The following QPCTL variants were observed in gnomAD, a reference collection of about 807,000 sequenced individuals.
QPCTL encodes the protein glutaminyl-peptide cyclotransferase like.
Under a neutral mutation model 34.6 loss-of-function variants are expected in QPCTL, and 31 were observed. The observed-to-expected ratio is 0.90, with a 90% CI of 0.67 to 1.21. The LOEUF (loss-of-function observed/expected upper bound fraction) is 1.21, where lower values mean the gene tolerates loss of function less well. QPCTL is among the 50% of genes most tolerant of loss of function. The probability of loss-of-function intolerance (pLI) is 0.00; values close to 1 mark genes in which losing one functional copy is unlikely to be tolerated. For missense variants in QPCTL, 474 were observed against 507.8 expected (o/e 0.93, Z 0.64); for synonymous variants, 223 against 226.9 (o/e 0.98, Z 0.15).
intron 2 of QPCTL, among the ~76,000 whole-genome samples, 196 bp downstream of exon 2, chr19:45,693,752 G>T (rs1967632402): frequency 6.6e-6 from 1 of 152,198 alleles, no homozygotes; most frequent in South Asian, 2.1e-4. Context: ...AAAGCTTACT[G>T]TGTGCTAGGC....
chr19:45,695,682 A>G lies in QPCTL; in HGVS notation c.597A>G (p.Gln199=). The G allele has an allele frequency of 6.2e-7, 1 of 1,613,194 alleles. No individual in the cohort carries two copies. Among genetic ancestry groups the G allele is most frequent in the Non-Finnish European group, 8.5e-7 (1 of 1,179,870 alleles). Residue 199 remains glutamine (Q), a synonymous_variant, in exon 3 of 7, where the codon CAA becomes CAG. Coordinates refer to ENST00000012049, the MANE Select transcript of QPCTL (RefSeq NM_017659.4). Reference sequence around the variant, plus strand: ...GTGCCCTGCTGCTGGAGCTGGCCCAAGCACTTGACCTGGAGCTGAGCAGGG... The same window carrying G: ...GTGCCCTGCTGCTGGAGCTGGCCCAGGCACTTGACCTGGAGCTGAGCAGGG... The part of the protein sequence containing the change: ...VPCALLLELA[Q]ALDLELSRAK...
intron 2 of QPCTL, 144 bp from the exon 3 acceptor site, chr19:45,695,293 A>AG: frequency 4.9e-6 from 4 of 808,192 alleles, no homozygotes; most frequent in African/African-American, 3.5e-5. Flanking sequence ...CTCAAAAAAA[A>AG]AAAGAAAGAA....
chr19:45,693,667 G>A, intron 2 of QPCTL, 111 bp downstream of exon 2: 1 of 1,413,722 alleles, frequency 7.1e-7, no homozygotes, highest in Non-Finnish European at 9.4e-7. Context: ...GGCTCTGACT[G>A]GAGTTAATCG....
At chr19:45,701,266 G>C (rs1437972364) in intron 5 of QPCTL, among the ~76,000 whole-genome samples, 1 of 151,620 alleles carries the variant, frequency 6.6e-6, no homozygotes, top group African/African-American at 2.4e-5. Context: ...GTGTGGGTGA[G>C]AGAGCAAGAT....
At chr19:45,698,994 C>A (rs1967760562) in intron 5 of QPCTL, 94 bp downstream of exon 5, 2 of 1,079,582 alleles carry the variant, frequency 1.9e-6, no homozygotes, top group Non-Finnish European at 2.7e-6. Flanking sequence ...ACTCTAAAGG[C>A]TCATCCACCA....
intron 3 of QPCTL, among the ~76,000 whole-genome samples, chr19:45,697,579 C>G (rs1967724345): frequency 1.3e-5 from 2 of 152,192 alleles, no homozygotes; most frequent in Admixed American, 6.6e-5. Context: ...GTACCCCTCT[C>G]AAACCTCTGG....
chr19:45,694,465 TTTTA>T (rs1967649792), intron 2 of QPCTL, among the ~76,000 whole-genome samples: 1 of 134,786 alleles, frequency 7.4e-6, no homozygotes, highest in East Asian at 1.9e-4. Flanking sequence ...TTCTTTTTTA[TTTTA>T]TTTTATTTTA....
intron 3 of QPCTL, 57 bp downstream of exon 3, chr19:45,695,775 C>G: frequency 1.3e-6 from 2 of 1,497,812 alleles, no homozygotes; most frequent in Non-Finnish European, 8.9e-7. Flanking sequence ...CCCAAGCCCC[C>G]ACCCTCCCTT....
At chr19:45,695,848 C>CT (rs34362798) in intron 3 of QPCTL, 130 bp downstream of exon 3, 8,379 of 852,648 alleles carry the variant, frequency 9.8e-3, no homozygotes, top group Non-Finnish European at 0.012. Flanking sequence ...CCACAGGGAT[C>CT]TTTTTTTTTT....
chr19:45,695,536 G>A lies in QPCTL; in HGVS notation c.451G>A (p.Val151Met). ...TPLGPVDFGN[V>M]VATLDPRAAR... ...CCTGGGGCCAGTGGACTTTGGCAAT[G>A]TGGTGGCCACACTGGACCCAAGGGC... is the stretch of plus-strand genomic sequence containing the variant. The change falls in exon 3 of 7, where the codon GTG (valine) becomes ATG (methionine). Residue 151 changes from valine (V) to methionine (M), a missense_variant. Val to Met is a conservative substitution (Grantham distance 21). Coordinates refer to ENST00000012049, the MANE Select transcript of QPCTL (RefSeq NM_017659.4). 3 of 1,614,128 alleles carry A rather than the reference G, an allele frequency of 1.9e-6. No individual in the cohort carries two copies. Among genetic ancestry groups the A allele is most frequent in the Non-Finnish European group, 1.7e-6 (2 of 1,180,034 alleles).
In QPCTL at chr19:45,695,700, G is replaced by T. The variant is rs370301101; in HGVS notation, c.615G>T (p.Leu205=). The change falls in exon 3 of 7, where the codon CTG becomes CTT. Residue 205 remains leucine (L), a synonymous_variant. Coordinates refer to ENST00000012049, the MANE Select transcript of QPCTL (RefSeq NM_017659.4). ...TGGCCCAAGCACTTGACCTGGAGCT[G>T]AGCAGGGCCAAAAAACAGGTGAGGA... The part of the protein sequence containing the change: ...LELAQALDLE[L]SRAKKQAAPV... 7.5e-6 allele frequency: 12 copies of T among 1,610,704 alleles called. No individual in the cohort carries two copies. The highest frequency in any genetic ancestry group is 1.7e-6 in the Non-Finnish European group (2 of 1,179,292).
intron 5 of QPCTL, among the ~76,000 whole-genome samples, chr19:45,701,412 A>C (rs933323562): frequency 6.6e-6 from 1 of 151,804 alleles, no homozygotes; most frequent in African/African-American, 2.4e-5. Flanking sequence ...AGTAGCTGGG[A>C]TTACAGGCGC....
chr19:45,698,423 C>T lies in QPCTL; in HGVS notation c.634-124C>T, dbSNP rs181227619. 1.9e-5 allele frequency: 23 copies of T among 1,189,698 alleles called. 1 individual carries two copies. The highest frequency in any genetic ancestry group is 5.3e-5 in the Admixed American group (2 of 38,074). 73.7% of individuals were successfully genotyped at this position (1,189,698 alleles called of 1,614,324 possible). ...TCGGAATCTGTGCTCTTGGCTACCA[C>T]GTTCTATGAGTGAGGACACCTTATG... On this transcript the variant is annotated intron_variant, in intron 3 of 6. Transcript: ENST00000012049.
rs1254686337 is a variant in QPCTL at position 45,692,756 on chromosome 19, T to C, written c.53T>C (p.Leu18Pro). 2.5e-6 allele frequency: 4 copies of C among 1,584,948 alleles called. No individual in the cohort carries two copies. Among genetic ancestry groups the C allele is most frequent in the Non-Finnish European group, 3.4e-6 (4 of 1,165,784 alleles). ...CGCCTGCGGCTGGGGGAACGTGGCC[T>C]CATGGAGCCACTCTTGCCGCCGAAG... Reference protein sequence around the residue: ...RPRLRLGERGLMEPLLPPKRR... With the variant: ...RPRLRLGERGPMEPLLPPKRR... The change falls in exon 1 of 7, where the codon CTC (leucine) becomes CCC (proline). Residue 18 changes from leucine (L) to proline (P), a missense_variant. By Grantham distance (98) the Leu-to-Pro change is moderately conservative. Coordinates refer to ENST00000012049, the MANE Select transcript of QPCTL (RefSeq NM_017659.4).
intron 3 of QPCTL, among the ~76,000 whole-genome samples, chr19:45,697,678 T>C (rs1192647277): frequency 6.6e-6 from 1 of 152,100 alleles, no homozygotes; most frequent in African/African-American, 2.4e-5. Context: ...GGCCAGTTCC[T>C]ACCCATTCTC....
intron 6 of QPCTL, among the ~76,000 whole-genome samples, 196 bp downstream of exon 6, chr19:45,702,110 C>T (rs542263144): frequency 3.8e-4 from 58 of 152,026 alleles, no homozygotes; most frequent in Non-Finnish European, 7.4e-4. Context: ...ATGCTAACAC[C>T]GGTAAAGACC....
In QPCTL at chr19:45,692,743, G is replaced by C; in HGVS notation, c.40G>C (p.Gly14Arg). ...CCGCGGGCGACCCCGCCTGCGGCTG[G>C]GGGAACGTGGCCTCATGGAGCCACT... ...GGRGRPRLRL[G>R]ERGLMEPLLP... The change falls in exon 1 of 7, where the codon GGG (glycine) becomes CGG (arginine). Residue 14 changes from glycine (G) to arginine (R), a missense_variant. Gly to Arg is a moderately radical substitution (Grantham distance 125). Coordinates refer to ENST00000012049, the MANE Select transcript of QPCTL (RefSeq NM_017659.4). 2 of 1,574,326 alleles carry C rather than the reference G, an allele frequency of 1.3e-6. No individual in the cohort carries two copies. Among genetic ancestry groups the C allele is most frequent in the East Asian group, 4.6e-5 (2 of 43,022 alleles).
Position 45,701,870 on chromosome 19 carries a change from C to T in QPCTL, c.959C>T (p.Pro320Leu), listed in dbSNP as rs775619904. Residue 320 changes from proline to leucine, a missense_variant, in exon 6 of 7, where the codon CCC becomes CTC. Transcript: ENST00000012049. ...GTGATGTACTTCCAACCCGGGGAGC[C>T]CTTTGGCTCTGTGGAAGACGACCAC... is the stretch of plus-strand genomic sequence containing the variant. ...QEVMYFQPGE[P>L]FGSVEDDHIP... 122 of 1,613,900 alleles carry T rather than the reference C, an allele frequency of 7.6e-5. No individual in the cohort carries two copies. Among genetic ancestry groups the T allele is most frequent in the Non-Finnish European group, 9.7e-5 (115 of 1,179,968 alleles).
Position 45,695,701 on chromosome 19 carries a change from A to G in QPCTL, c.616A>G (p.Ser206Gly), listed in dbSNP as rs747530432. ...ELAQALDLEL[S>G]RAKKQAAPVT... is the part of the protein sequence containing the mutation. Reference sequence around the variant, plus strand: ...GGCCCAAGCACTTGACCTGGAGCTGAGCAGGGCCAAAAAACAGGTGAGGAG... The same window carrying G: ...GGCCCAAGCACTTGACCTGGAGCTGGGCAGGGCCAAAAAACAGGTGAGGAG... The change falls in exon 3 of 7, where the codon AGC becomes GGC. Residue 206 changes from serine (S) to glycine (G), a missense_variant. Ser to Gly is a moderately conservative substitution (Grantham distance 56, BLOSUM62 0). Coordinates refer to ENST00000012049, the MANE Select transcript of QPCTL (RefSeq NM_017659.4). 2 of 1,610,718 alleles carry G rather than the reference A, an allele frequency of 1.2e-6. No individual in the cohort carries two copies. Among genetic ancestry groups the G allele is most frequent in the African/African-American group, 2.7e-5 (2 of 74,986 alleles).
Sources: gnomAD v4.1 joint callset for allele counts (sites outside exome capture counted in the v4.1 genomes callset) on GRCh38, gnomAD v4.1.1 for gene constraint, MANE v1.5 for transcripts, NCBI Gene and HGNC (gene_info 2026-07-23, HGNC 2026-07-21) for gene names.